PLAG1: variants seen among roughly 807,000 people sequenced by gnomAD.
PLAG1 encodes the protein zinc finger protein PLAG1.
Under a neutral mutation model 35.5 loss-of-function variants are expected in PLAG1, and 7 were observed. The observed-to-expected ratio is 0.20, with a 90% confidence interval of 0.11 to 0.37. The LOEUF is 0.37. Ranked by LOEUF, PLAG1 falls within the 10% of genes least tolerant of loss-of-function variation. PLAG1 has a pLI of 1.00. For synonymous variants in PLAG1, 229 were observed against 225.4 expected (o/e 1.02, Z -0.14); for missense variants, 454 against 602.8 (o/e 0.75, Z 2.58).
chr8:56,189,352 G>A (rs1313379678), intron 1 of PLAG1, among the ~76,000 whole-genome samples: 2 of 152,152 alleles, frequency 1.3e-5, no homozygotes, highest in Admixed American at 6.5e-5. Context: ...CAGATATCAG[G>A]ACGCTGCAGT....
intron 1 of PLAG1, among the ~76,000 whole-genome samples, chr8:56,186,004 C>T (rs1812007156): frequency 6.6e-6 from 1 of 152,130 alleles, no homozygotes; most frequent in Admixed American, 6.5e-5. Context: ...ATTAGCCAGG[C>T]ATGGGCAGGT....
At position 56,167,834 on chromosome 8, in the gene PLAG1, A is replaced by T. The variant is rs763767522; in HGVS notation, c.242+194T>A. 2.0e-5 allele frequency among the ~76,000 whole-genome samples: 3 copies of T among 152,260 alleles called. No homozygotes were observed. Among genetic ancestry groups the T allele is most frequent in the Non-Finnish European group, 1.5e-5 (1 of 68,046 alleles). On this transcript the variant is annotated intron_variant, in intron 4 of 4. Coordinates refer to ENST00000316981, the MANE Select transcript of PLAG1 (RefSeq NM_002655.3). This position sits in a 1 kb window ranked among gnomAD's most constrained non-coding sequence, Gnocchi z 5.9. ...TTCTACTCATTAAGCATTTTATTTT[A>T]AAAAGTCCAAAGACACTAACACATA...
At chr8:56,183,844 A>G (rs1302519300) in intron 1 of PLAG1, among the ~76,000 whole-genome samples, 1 of 152,222 alleles carries the variant, frequency 6.6e-6, no homozygotes, top group Non-Finnish European at 1.5e-5. Context: ...TAAATGGATC[A>G]TGAACCTAAA....
intron 1 of PLAG1, among the ~76,000 whole-genome samples, chr8:56,186,359 T>G (rs1213568633): frequency 6.6e-6 from 1 of 152,116 alleles, no homozygotes; most frequent in Non-Finnish European, 1.5e-5. Flanking sequence ...TTAGGTTATT[T>G]TATTCATTTT....
At chr8:56,204,282 T>C (rs1212164642) in intron 1 of PLAG1, among the ~76,000 whole-genome samples, 1 of 151,928 alleles carries the variant, frequency 6.6e-6, no homozygotes, top group East Asian at 1.9e-4. Flanking sequence ...AAAAGTGACG[T>C]GAGCTCTATG....
chr8:56,201,540 C>A lies in PLAG1; in HGVS notation c.-322+9581G>T, dbSNP rs553538002. Among the ~76,000 whole-genome samples the A allele has an allele frequency of 2.0e-5, 3 of 152,222 alleles. No individual in the cohort carries two copies. In the South Asian group the frequency reaches 6.2e-4, roughly 32 times the overall value. On this transcript the variant is annotated intron_variant, in intron 1 of 4. Transcript: ENST00000316981. ...CTCGAATTACTCTGTCAACTCTATG[C>A]CTGAAATCTTCATTTTGTAAGAATG... is the stretch of plus-strand genomic sequence containing the variant.
chr8:56,191,712 G>A (rs1812187276), intron 1 of PLAG1, among the ~76,000 whole-genome samples: 1 of 151,502 alleles, frequency 6.6e-6, no homozygotes, highest in Non-Finnish European at 1.5e-5. Flanking sequence ...TTCAGAGTTT[G>A]GCAGGTGTGT....
intron 1 of PLAG1, among the ~76,000 whole-genome samples, chr8:56,187,966 T>C (rs1016365261): frequency 4.6e-5 from 7 of 152,220 alleles, no homozygotes; most frequent in African/African-American, 1.7e-4. Context: ...TATGTAATTA[T>C]TGACTATCCA....
chr8:56,173,285 T>A (rs1050108002), intron 2 of PLAG1, among the ~76,000 whole-genome samples: 1 of 152,102 alleles, frequency 6.6e-6, no homozygotes, highest in Non-Finnish European at 1.5e-5. Flanking sequence ...CAAAACATAA[T>A]CTTGAATTTC....
At chr8:56,188,055 C>A (rs1160256973) in intron 1 of PLAG1, among the ~76,000 whole-genome samples, 1 of 152,082 alleles carries the variant, frequency 6.6e-6, no homozygotes, top group Non-Finnish European at 1.5e-5. Flanking sequence ...ATTATAATAG[C>A]TAAAAATCAG....
intron 3 of PLAG1, among the ~76,000 whole-genome samples, chr8:56,169,826 G>A (rs1449448716): frequency 3.3e-5 from 5 of 152,216 alleles, no homozygotes; most frequent in African/African-American, 1.2e-4. Flanking sequence ...TTATAGGCGT[G>A]AGCCGCCACA....
At position 56,168,303 on chromosome 8, in the gene PLAG1, T is replaced by G; in HGVS notation, c.-34A>C. ...AAACCAGGCCTTCTTGTTGGACACT[T>G]GGGAACTGCCCAACTCCACTAAATG... On this transcript the variant is annotated 5_prime_UTR_variant, in exon 4 of 5. Transcript: ENST00000316981. 1 of 1,580,292 alleles carries G rather than the reference T, an allele frequency of 6.3e-7. No individual in the cohort carries two copies. The highest frequency in any genetic ancestry group is 8.6e-7 in the Non-Finnish European group (1 of 1,161,434).
At chr8:56,203,204 T>C (rs1377407565) in intron 1 of PLAG1, among the ~76,000 whole-genome samples, 1 of 152,160 alleles carries the variant, frequency 6.6e-6, no homozygotes, top group Non-Finnish European at 1.5e-5. Flanking sequence ...TTTTGTACTT[T>C]GTTTACAAAT....
Position 56,196,951 on chromosome 8 carries a change from CGTGTGT to C in PLAG1, c.-322+14164_-322+14169del, listed in dbSNP as rs10534078. ...AGGCACCCTCTCCCTCCCTAGTGTG[CGTGTGT>C]GTGTGTGTGTGTGTGTGTGTGTGTG... On this transcript the variant is annotated intron_variant, in intron 1 of 4. Coordinates refer to ENST00000316981, the MANE Select transcript of PLAG1 (RefSeq NM_002655.3). Among the ~76,000 whole-genome samples the C allele has an allele frequency of 1.7e-3, 238 of 143,052 alleles. 1 individual carries two copies. The highest frequency in any genetic ancestry group is 2.7e-3 in the East Asian group (13 of 4,790). 93.8% of individuals were successfully genotyped at this position (143,052 alleles called of 152,430 possible). A position where few individuals can be genotyped will look rare whatever the true frequency, so the allele number is the denominator to read the frequency against.
intron 1 of PLAG1, among the ~76,000 whole-genome samples, chr8:56,184,389 A>G (rs1300355201): frequency 6.6e-6 from 1 of 152,262 alleles, no homozygotes; most frequent in Admixed American, 6.5e-5. Context: ...ACAGGAAGGT[A>G]AAAATGGTAC....
intron 1 of PLAG1, among the ~76,000 whole-genome samples, chr8:56,202,561 A>T (rs1402656762): frequency 6.6e-6 from 1 of 152,238 alleles, no homozygotes; most frequent in Non-Finnish European, 1.5e-5. Flanking sequence ...ATTGTACAAA[A>T]GCTATTATGA....
intron 1 of PLAG1, among the ~76,000 whole-genome samples, chr8:56,182,833 A>C (rs1417255138): frequency 6.6e-6 from 1 of 152,160 alleles, no homozygotes; most frequent in Non-Finnish European, 1.5e-5. Context: ...TTCTTGGAAG[A>C]ATCAGGGTAG....
chr8:56,171,884 A>G (rs1811535688), intron 2 of PLAG1, among the ~76,000 whole-genome samples: 1 of 151,372 alleles, frequency 6.6e-6, no homozygotes, highest in Non-Finnish European at 1.5e-5. Flanking sequence ...AGTAGCTTAT[A>G]ATGTTTATCA....
At chr8:56,194,576 G>GGTGT (rs796716146) in intron 1 of PLAG1, among the ~76,000 whole-genome samples, 14 of 149,506 alleles carry the variant, frequency 9.4e-5, no homozygotes, top group Admixed American at 4.0e-4. Flanking sequence ...CTCAGCACTG[G>GGTGT]GTGTGTGTGT....
Sources: gnomAD v4.1 joint callset for allele counts (sites outside exome capture counted in the v4.1 genomes callset) on GRCh38, gnomAD v4.1.1 for gene constraint, Gnocchi (gnomAD v3.1) non-coding constraint, MANE v1.5 for transcripts, NCBI Gene and HGNC (gene_info 2026-07-23, HGNC 2026-07-21) for gene names.